CAGE1: variants seen among roughly 807,000 people sequenced by gnomAD.
CAGE1 encodes the protein cancer antigen 1, also known as cancer-associated gene 1 protein.
A neutral mutation model predicts 94.9 loss-of-function variants in CAGE1; 66 were observed. The observed-to-expected ratio is 0.70, with a 90% CI of 0.57 to 0.85. The LOEUF is 0.85. Ranked by LOEUF, CAGE1 falls within the 40% of genes least tolerant of loss-of-function variation. The pLI is 0.00. For synonymous variants in CAGE1, 319 were observed against 321.0 expected, an observed-to-expected ratio of 0.99 and a Z score of 0.07; for missense variants, 865 against 950.4, an observed-to-expected ratio of 0.91 and a Z score of 1.18.
intron 4 of CAGE1, among the ~76,000 whole-genome samples, chr6:7,376,302 T>C (rs1469687424): frequency 6.6e-6 from 1 of 151,890 alleles, no homozygotes; most frequent in African/African-American, 2.4e-5. Context: ...AGCAGGAGAA[T>C]TGCTTGAACC....
At position 7,326,759 on chromosome 6, in the gene CAGE1, A is replaced by C; in HGVS notation, c.*99T>G. On this transcript the variant is annotated 3_prime_UTR_variant, in exon 14 of 14. Transcript: ENST00000502583. ...AGACTTTACCCTTTATACAGATTTT[A>C]ATATATCATCTGCATGGATTGATTT... 1.2e-6 allele frequency: 1 copy of C among 841,806 alleles called. No individual in the cohort carries two copies. Among genetic ancestry groups the C allele is most frequent in the East Asian group, 2.4e-5 (1 of 41,052 alleles). 52.1% of individuals were successfully genotyped at this position (841,806 alleles called of 1,614,324 possible). A position where few individuals can be genotyped will look rare whatever the true frequency, so the allele number is the denominator to read the frequency against.
At chr6:7,334,725 C>CAAAAAAAA (rs58790989) in intron 11 of CAGE1, among the ~76,000 whole-genome samples, 15,776 of 66,324 alleles carry the variant, frequency 0.24, 1,825 homozygotes, top group African/African-American at 0.27. Context: ...GACTCTCTCT[C>CAAAAAAAA]AAAAAAAAAA....
At chr6:7,345,243 G>C (rs538558661) in intron 11 of CAGE1, among the ~76,000 whole-genome samples, 275 of 127,692 alleles carry the variant, frequency 2.2e-3, no homozygotes, top group Non-Finnish European at 3.3e-3. Context: ...CCAAGAAGAA[G>C]GAACAACTCC....
Position 7,365,865 on chromosome 6 carries a change from C to A in CAGE1, c.2024G>T (p.Arg675Ile). The change falls in exon 8 of 14, where the codon AGA becomes ATA. Residue 675 changes from arginine to isoleucine, a missense_variant. Physicochemically the swap from Arg to Ile is moderately conservative, Grantham distance 97. Transcript: ENST00000502583. The part of the protein sequence containing the change: ...LDKELLKHKD[R>I]ITTFRELIAK... Reference sequence around the variant, plus strand: ...AATTAACTCTCTAAAGGTTGTGATTCTATCTTTATGTTTCAGTAGCTAAGA... The same window carrying A: ...AATTAACTCTCTAAAGGTTGTGATTATATCTTTATGTTTCAGTAGCTAAGA... The A allele has an allele frequency of 6.5e-7, 1 of 1,531,136 alleles. No homozygotes were observed. The highest frequency in any genetic ancestry group is 8.8e-7 in the Non-Finnish European group (1 of 1,133,664). 94.8% of individuals were successfully genotyped at this position (1,531,136 alleles called of 1,614,324 possible).
chr6:7,341,284 T>C, intron 11 of CAGE1: 1 of 664,508 alleles, frequency 1.5e-6, no homozygotes, highest in Non-Finnish European at 2.8e-6. Context: ...GTGGTGGGTG[T>C]AAACAGAGTA....
intron 11 of CAGE1, chr6:7,342,112 C>T (rs1759200779): frequency 9.2e-6 from 9 of 976,742 alleles, no homozygotes; most frequent in South Asian, 2.6e-5. Flanking sequence ...GGATAGGTCA[C>T]GGCTGATGAA....
chr6:7,358,095 C>T (rs796396125), intron 9 of CAGE1, among the ~76,000 whole-genome samples: 13 of 122,894 alleles, frequency 1.1e-4, no homozygotes, highest in African/African-American at 3.5e-4. Context: ...TCACCAGCAT[C>T]AAGATAATGA....
chr6:7,341,598 G>A (rs1205025980), intron 11 of CAGE1: 59 of 920,632 alleles, frequency 6.4e-5, no homozygotes, highest in Non-Finnish European at 8.1e-5. Flanking sequence ...CCTCTAACTT[G>A]TCCACAGCAA....
In CAGE1 at chr6:7,339,061, T is replaced by C; in HGVS notation, c.2370-4971A>G. The C allele has an allele frequency of 6.2e-7, 1 of 1,604,648 alleles. No individual in the cohort carries two copies. Among genetic ancestry groups the C allele is most frequent in the South Asian group, 1.1e-5 (1 of 90,664 alleles). ...CTGAGCAACACATGGCGCACAGCAG[T>C]GTCAACGTAGTAGTTAACAGGGTCT... On this transcript the variant is annotated intron_variant, in intron 11 of 13. Transcript: ENST00000502583. The surrounding 1 kb of genome is among the most constrained non-coding windows in gnomAD (Gnocchi z 4.7).
At position 7,345,275 on chromosome 6, in the gene CAGE1, G is replaced by A. The variant is rs573765210; in HGVS notation, c.2369+9766C>T. 1.8e-4 allele frequency among the ~76,000 whole-genome samples: 28 copies of A among 152,314 alleles called. No individual in the cohort carries two copies. In the South Asian group the frequency reaches 4.3e-3, roughly 24 times the overall value. On this transcript the variant is annotated intron_variant, in intron 11 of 13. Transcript: ENST00000502583. ...CTCCAGACACGCTACCTTAAGAGTT[G>A]CAGCACTGACTGTTAAAGGTTTGCA...
intron 9 of CAGE1, among the ~76,000 whole-genome samples, chr6:7,363,205 G>C (rs1760218291): frequency 6.6e-6 from 1 of 152,196 alleles, no homozygotes; most frequent in African/African-American, 2.4e-5. Flanking sequence ...TGGGGGCGGA[G>C]GTTGCAGTGA....
At chr6:7,381,326 T>C (rs755754833) in intron 3 of CAGE1, among the ~76,000 whole-genome samples, 2 of 152,184 alleles carry the variant, frequency 1.3e-5, no homozygotes, top group African/African-American at 4.8e-5. Flanking sequence ...AAAGGCCATG[T>C]GAGACACTGC....
intron 11 of CAGE1, among the ~76,000 whole-genome samples, chr6:7,343,198 A>AAAAAAAAAGAAAAGAAAAG (rs574460085): frequency 0.028 from 3,885 of 137,128 alleles, 91 homozygotes; most frequent in South Asian, 0.057. Flanking sequence ...CACAAAAAAA[A>AAAAAAAAAGAAAAGAAAAG]AAAAGAAAAG....
intron 3 of CAGE1, among the ~76,000 whole-genome samples, chr6:7,382,616 C>T (rs1328104301): frequency 6.7e-6 from 1 of 150,048 alleles, no homozygotes; most frequent in Non-Finnish European, 1.5e-5. Context: ...TTTCTCATGT[C>T]TTAAGAAATC....
At chr6:7,345,178 T>C (rs1448921593) in intron 11 of CAGE1, among the ~76,000 whole-genome samples, 1 of 137,896 alleles carries the variant, frequency 7.3e-6, no homozygotes, top group Non-Finnish European at 1.5e-5. Context: ...GCTATGACAC[T>C]CCTTGTGAAG....
At chr6:7,368,431 T>C (rs1043945641) in intron 7 of CAGE1, among the ~76,000 whole-genome samples, 1 of 152,052 alleles carries the variant, frequency 6.6e-6, no homozygotes, top group African/African-American at 2.4e-5. Context: ...CAGGAATCAG[T>C]AGTGCCGTGC....
At chr6:7,369,773 G>T in intron 6 of CAGE1, 146 bp downstream of exon 6, 2 of 671,514 alleles carry the variant, frequency 3.0e-6, no homozygotes, top group Non-Finnish European at 4.6e-6. Context: ...AAGAAGGGTT[G>T]GATGGATGGC....
At chr6:7,329,698 G>A (rs1002061423) in intron 13 of CAGE1, 151 bp downstream of exon 13, 3 of 531,988 alleles carry the variant, frequency 5.6e-6, no homozygotes, top group African/African-American at 3.8e-5. Flanking sequence ...AGCTATGACA[G>A]GAGACGGAAG....
At chr6:7,357,028 C>A (rs984275864) in intron 9 of CAGE1, among the ~76,000 whole-genome samples, 13 of 152,162 alleles carry the variant, frequency 8.5e-5, no homozygotes, top group Admixed American at 3.9e-4. Context: ...AACTCCTGAG[C>A]TCAGGTGATC....
Sources: gnomAD v4.1 joint callset for allele counts (sites outside exome capture counted in the v4.1 genomes callset) on GRCh38, gnomAD v4.1.1 for gene constraint, Gnocchi (gnomAD v3.1) non-coding constraint, MANE v1.5 for transcripts, NCBI Gene and HGNC (gene_info 2026-07-23, HGNC 2026-07-21) for gene names.